VASN: variants seen among roughly 807,000 people sequenced by gnomAD.
VASN encodes vasorin, also known as protein slit-like 2.
VASN carries 5 observed loss-of-function variants against 4.8 expected under a neutral mutation model. The observed-to-expected ratio is 1.03, with a 90% CI of 0.54 to 2.17. The LOEUF (loss-of-function observed/expected upper bound fraction) is 2.17. VASN is among the 30% of genes most tolerant of loss of function. The pLI is 0.01. For missense variants in VASN, 927 were observed against 948.8 expected (o/e 0.98, Z 0.30); for synonymous variants, 499 against 460.8 (o/e 1.08, Z -1.06).
Position 4,381,544 on chromosome 16 carries a change from G to A in VASN, c.667G>A (p.Val223Met), listed in dbSNP as rs1245778469. ...SRLRNLHDLDVSDNQLERVPP... is the reference protein window; with the variant it reads ...SRLRNLHDLDMSDNQLERVPP... ...CTTGCGCAACCTCCACGACCTGGAT[G>A]TGTCCGACAACCAGCTGGAGCGAGT... The change falls in exon 2 of 2, where the codon GTG becomes ATG. Residue 223 changes from valine to methionine, a missense_variant. Physicochemically the swap from Val to Met is conservative, Grantham distance 21. Transcript: ENST00000304735. 6.2e-7 allele frequency: 1 copy of A among 1,605,116 alleles called. No homozygotes were observed. Among genetic ancestry groups the A allele is most frequent in the Non-Finnish European group, 8.5e-7 (1 of 1,176,662 alleles).
At chr16:4,379,881 A>T (rs1026796925) in intron 1 of VASN, among the ~76,000 whole-genome samples, 1 of 21,958 alleles carries the variant, frequency 4.6e-5, no homozygotes. Flanking sequence ...TGTCTCTACT[A>T]AAAAAAAAAA....
Position 4,382,737 on chromosome 16 carries a change from G to T in VASN, c.1860G>T (p.Gly620=). Residue 620 remains glycine, a synonymous_variant, in exon 2 of 2, where the codon GGG becomes GGT. Transcript: ENST00000304735. ...AAGGGCAGGTGGGGCCAGGGGCTGG[G>T]CCCCTGGAACTGGAGGGAGTGAAGG... is the stretch of plus-strand genomic sequence containing the variant. The part of the protein sequence containing the change: ...QDKGQVGPGA[G]PLELEGVKVP... 6.4e-7 allele frequency: 1 copy of T among 1,554,966 alleles called. No homozygotes were observed. The highest frequency in any genetic ancestry group is 8.7e-7 in the Non-Finnish European group (1 of 1,150,268).
At position 4,382,998 on chromosome 16, in the gene VASN, G is replaced by C. The variant is rs926440512; in HGVS notation, c.*99G>C. On this transcript the variant is annotated 3_prime_UTR_variant, in exon 2 of 2. Transcript: ENST00000304735. Reference sequence around the variant, plus strand: ...CACGTAAGTTCTCAGTCCCAACCTCGGGGATGTGTGCAGACAGGGCTGTGT... The same window carrying C: ...CACGTAAGTTCTCAGTCCCAACCTCCGGGATGTGTGCAGACAGGGCTGTGT... 3.9e-6 allele frequency: 5 copies of C among 1,292,572 alleles called. No individual in the cohort carries two copies. The highest frequency in any genetic ancestry group is 5.2e-6 in the Non-Finnish European group (5 of 961,252). 80.1% of individuals were successfully genotyped at this position (1,292,572 alleles called of 1,614,324 possible).
At chr16:4,376,361 G>A (rs902186230) in intron 1 of VASN, among the ~76,000 whole-genome samples, 1 of 152,210 alleles carries the variant, frequency 6.6e-6, no homozygotes, top group Non-Finnish European at 1.5e-5. Context: ...TGCCAGGCCT[G>A]ACCGGCCACA....
chr16:4,372,511 A>T (rs1596293083), intron 1 of VASN, among the ~76,000 whole-genome samples: 1 of 152,222 alleles, frequency 6.6e-6, no homozygotes, highest in Non-Finnish European at 1.5e-5. Context: ...TGGGCGTCCG[A>T]TGCCCATCCC....
chr16:4,375,836 T>C (rs2141228027), intron 1 of VASN, among the ~76,000 whole-genome samples: 1 of 152,320 alleles, frequency 6.6e-6, no homozygotes, highest in East Asian at 1.9e-4. Flanking sequence ...CATGGAGGTT[T>C]TTTTTAGAAA....
chr16:4,382,335 G>A lies in VASN; in HGVS notation c.1458G>A (p.Gly486=). 1 of 1,611,462 alleles carries A rather than the reference G, an allele frequency of 6.2e-7. No individual in the cohort carries two copies. ...LRVGLQRYLQ[G]SSVQLRSLRL... is the part of the protein sequence containing the mutation. ...TGGGGCTGCAGCGCTACCTCCAGGGGAGCTCCGTGCAGCTCAGGAGCCTCC... is the reference window on the plus strand; with the variant it reads ...TGGGGCTGCAGCGCTACCTCCAGGGAAGCTCCGTGCAGCTCAGGAGCCTCC... The change falls in exon 2 of 2, where the codon GGG becomes GGA. Residue 486 remains glycine (G), a synonymous_variant. Coordinates refer to ENST00000304735, the MANE Select transcript of VASN (RefSeq NM_138440.3).
intron 1 of VASN, among the ~76,000 whole-genome samples, chr16:4,374,981 C>T (rs1291037244): frequency 6.6e-6 from 1 of 152,104 alleles, no homozygotes; most frequent in Non-Finnish European, 1.5e-5. Flanking sequence ...GAGGGCCCAG[C>T]CCTGGTGGCA....
Position 4,382,124 on chromosome 16 carries a change from A to C in VASN, c.1247A>C (p.Asn416Thr). 4 of 1,588,528 alleles carry C rather than the reference A, an allele frequency of 2.5e-6. No homozygotes were observed. The highest frequency in any genetic ancestry group is 3.4e-6 in the Non-Finnish European group (4 of 1,167,908). ...PQDCPPSTCLNGGTCHLGTRH... is the reference protein window; with the variant it reads ...PQDCPPSTCLTGGTCHLGTRH... ...GACTGCCCACCGTCCACCTGCCTCA[A>C]TGGGGGCACATGCCACCTGGGGACA... Residue 416 changes from asparagine to threonine, a missense_variant, in exon 2 of 2, where the codon AAT becomes ACT. Coordinates refer to ENST00000304735, the MANE Select transcript of VASN (RefSeq NM_138440.3).
At chr16:4,372,434 C>A (rs1294057650) in intron 1 of VASN, among the ~76,000 whole-genome samples, 1 of 152,238 alleles carries the variant, frequency 6.6e-6, no homozygotes. Flanking sequence ...CCTCTGGACC[C>A]TTGTCACTCA....
Position 4,382,591 on chromosome 16 carries a change from G to A in VASN, c.1714G>A (p.Gly572Ser), listed in dbSNP as rs978696409. ...NHAPVTQARE[G>S]NLPLLIAPAL... ...CGCCCCAGTCACCCAGGCCCGCGAG[G>A]GCAACCTGCCGCTCCTCATTGCGCC... The change falls in exon 2 of 2, where the codon GGC (glycine) becomes AGC (serine). Residue 572 changes from glycine to serine, a missense_variant. Gly to Ser is a moderately conservative substitution (Grantham distance 56, BLOSUM62 0). Transcript: ENST00000304735. 13 of 1,585,812 alleles carry A rather than the reference G, an allele frequency of 8.2e-6. No individual in the cohort carries two copies. The highest frequency in any genetic ancestry group is 1.7e-4 in the Middle Eastern group (1 of 6,030).
intron 1 of VASN, among the ~76,000 whole-genome samples, 187 bp from the exon 2 acceptor site, chr16:4,380,682 A>G (rs1330175657): frequency 6.6e-6 from 1 of 152,248 alleles, no homozygotes; most frequent in African/African-American, 2.4e-5. Flanking sequence ...TGACAAGGTC[A>G]CACAGTGAGG....
chr16:4,382,180 G>T lies in VASN; in HGVS notation c.1303G>T (p.Gly435Cys). The T allele has an allele frequency of 6.3e-7, 1 of 1,597,838 alleles. No homozygotes were observed. Among genetic ancestry groups the T allele is most frequent in the Non-Finnish European group, 8.5e-7 (1 of 1,173,890 alleles). Residue 435 changes from glycine to cysteine, a missense_variant, in exon 2 of 2, where the codon GGC becomes TGC. By Grantham distance (159) the Gly-to-Cys change is radical. Transcript: ENST00000304735. Reference protein sequence around the residue: ...RHHLACLCPEGFTGLYCESQM... With the variant: ...RHHLACLCPECFTGLYCESQM... ...CCACCTGGCGTGCTTGTGCCCCGAA[G>T]GCTTCACGGGCCTGTACTGTGAGAG... is the stretch of plus-strand genomic sequence containing the variant.
intron 1 of VASN, 61 bp from the exon 2 acceptor site, chr16:4,380,808 G>C: frequency 7.1e-7 from 1 of 1,411,292 alleles, no homozygotes; most frequent in Admixed American, 2.9e-5. Context: ...TCTTCCTGGC[G>C]TGTCTGCCTT....
chr16:4,382,946 A>G lies in VASN; in HGVS notation c.*47A>G. 6.9e-7 allele frequency: 1 copy of G among 1,450,042 alleles called. No individual in the cohort carries two copies. Among genetic ancestry groups the G allele is most frequent in the Non-Finnish European group, 9.1e-7 (1 of 1,099,144 alleles). 89.8% of individuals were successfully genotyped at this position (1,450,042 alleles called of 1,614,324 possible). On this transcript the variant is annotated 3_prime_UTR_variant, in exon 2 of 2. Coordinates refer to ENST00000304735, the MANE Select transcript of VASN (RefSeq NM_138440.3). The stretch of plus-strand genomic sequence containing the variant: ...TGGGGCCGGGCTCTCAGCCAGTGAG[A>G]TGGCCAGCCCCCTCCTGCTGCCACA...
Position 4,382,191 on chromosome 16 carries a change from C to A in VASN, c.1314C>A (p.Gly438=). ...LACLCPEGFT[G]LYCESQMGQG... is the part of the protein sequence containing the mutation. ...GCTTGTGCCCCGAAGGCTTCACGGG[C>A]CTGTACTGTGAGAGCCAGATGGGGC... Residue 438 remains glycine (G), a synonymous_variant, in exon 2 of 2, where the codon GGC becomes GGA. Transcript: ENST00000304735. The A allele has an allele frequency of 6.2e-7, 1 of 1,601,100 alleles. No homozygotes were observed. Among genetic ancestry groups the A allele is most frequent in the Non-Finnish European group, 8.5e-7 (1 of 1,175,604 alleles).
rs536761334 is a variant in VASN, at chr16:4,376,527, G to T, written c.-9-4342G>T. ...TCTGTCCAAGCCTGTCCCCTACTCAGCAGGCACACCGCCTGCCCCAGAATC... is the reference window on the plus strand; with the variant it reads ...TCTGTCCAAGCCTGTCCCCTACTCATCAGGCACACCGCCTGCCCCAGAATC... On this transcript the variant is annotated intron_variant, in intron 1 of 1. Transcript: ENST00000304735. Among the ~76,000 whole-genome samples the T allele has an allele frequency of 3.3e-5, 5 of 152,292 alleles. No individual in the cohort carries two copies. In the East Asian group the frequency reaches 9.6e-4, roughly 29 times the overall value.
chr16:4,373,431 G>A (rs528940411), intron 1 of VASN, among the ~76,000 whole-genome samples: 1 of 152,274 alleles, frequency 6.6e-6, no homozygotes, highest in South Asian at 2.1e-4. Flanking sequence ...ATGGGGATGG[G>A]GCTGGGGGCT....
intron 1 of VASN, among the ~76,000 whole-genome samples, chr16:4,375,431 G>A (rs758348838): frequency 8.5e-5 from 13 of 152,192 alleles, no homozygotes; most frequent in African/African-American, 2.4e-4. Context: ...CTGGCTGTGC[G>A]GAGGACTCGC....
Sources: gnomAD v4.1 joint callset for allele counts (sites outside exome capture counted in the v4.1 genomes callset) on GRCh38, gnomAD v4.1.1 for gene constraint, MANE v1.5 for transcripts, NCBI Gene and HGNC (gene_info 2026-07-23, HGNC 2026-07-21) for gene names.